The following MECOM variants were observed in gnomAD, a reference collection of about 807,000 sequenced individuals.
MECOM encodes the protein histone-lysine N-methyltransferase MECOM.
Under a neutral mutation model 116.3 loss-of-function variants are expected in MECOM, and 13 were observed. That is an observed-to-expected ratio of 0.11 (90% CI 0.07 to 0.18). The LOEUF (loss-of-function observed/expected upper bound fraction) is 0.18. MECOM is among the 10% of genes least tolerant of loss of function. MECOM has a pLI of 1.00. For synonymous variants in MECOM, 528 were observed against 535.2 expected (o/e 0.99, Z 0.19); for missense variants, 1,299 against 1,509.0 (o/e 0.86, Z 2.31).
chr3:169,586,813 C>A (rs922544434), intron 1 of MECOM, among the ~76,000 whole-genome samples: 4 of 152,214 alleles, frequency 2.6e-5, no homozygotes, highest in African/African-American at 9.6e-5. Context: ...TTGGTCAGTT[C>A]TTAAAGCATA....
rs1335118608 is a variant in MECOM at position 169,146,240 on chromosome 3, G to A, written c.376-2408C>T. ...AAAATCCCCACAATCTAGCCAAAGG[G>A]TCCGAATGTGACTTTCTCGCGAAGC... On this transcript the variant is annotated intron_variant, in intron 2 of 16. Coordinates refer to ENST00000651503, the MANE Select transcript of MECOM (RefSeq NM_004991.4). 7 of 1,185,144 alleles carry A rather than the reference G, an allele frequency of 5.9e-6. No homozygotes were observed. The East Asian group carries it at 2.7e-4, about 46-fold the overall frequency. The allele number at this position is 1,185,144 out of a possible 1,614,324, so 73.4% of individuals were successfully genotyped here. A position where few individuals can be genotyped will look rare whatever the true frequency, so the allele number is the denominator to read the frequency against.
chr3:169,164,138 C>G (rs1197341168), intron 2 of MECOM, among the ~76,000 whole-genome samples: 1 of 152,122 alleles, frequency 6.6e-6, no homozygotes. Flanking sequence ...TAAATCTCAT[C>G]TTGTAGTTCC....
intron 2 of MECOM, among the ~76,000 whole-genome samples, chr3:169,306,613 A>T (rs759091661): frequency 1.3e-5 from 2 of 152,212 alleles, no homozygotes; most frequent in African/African-American, 2.4e-5. Context: ...CCTGAGAGAC[A>T]GAGGTTGCAG....
intron 2 of MECOM, chr3:169,149,591 G>T: frequency 2.4e-6 from 1 of 413,290 alleles, no homozygotes; most frequent in Non-Finnish European, 5.0e-6. Flanking sequence ...TCTGCCTTCC[G>T]CCTCGCCCGC....
intron 2 of MECOM, among the ~76,000 whole-genome samples, chr3:169,240,830 G>A (rs1265760795): frequency 2.0e-5 from 3 of 152,162 alleles, no homozygotes; most frequent in East Asian, 3.9e-4. Context: ...GAACAGATGA[G>A]CCCAAATCCC....
intron 1 of MECOM, among the ~76,000 whole-genome samples, chr3:169,396,832 G>A (rs956896320): frequency 3.9e-5 from 6 of 152,126 alleles, no homozygotes; most frequent in Non-Finnish European, 7.3e-5. Context: ...AACTAGCTGG[G>A]TGTGGTGGTG....
At chr3:169,105,160 CCTT>C (rs1046286285) in intron 10 of MECOM, among the ~76,000 whole-genome samples, 3 of 152,150 alleles carry the variant, frequency 2.0e-5, no homozygotes, top group African/African-American at 7.2e-5. Context: ...TTCGTTGAAT[CCTT>C]CTTTTCATCT....
chr3:169,599,143 A>C (rs1430288118), intron 1 of MECOM, among the ~76,000 whole-genome samples: 2 of 152,196 alleles, frequency 1.3e-5, no homozygotes, highest in Non-Finnish European at 2.9e-5. Flanking sequence ...TTACCAAACT[A>C]AAGTAAACTG....
intron 1 of MECOM, among the ~76,000 whole-genome samples, chr3:169,489,048 G>C (rs1330013814): frequency 6.6e-6 from 1 of 151,886 alleles, no homozygotes; most frequent in African/African-American, 2.4e-5. Flanking sequence ...AATTTAAAGG[G>C]GGAATACAGA....
intron 4 of MECOM, among the ~76,000 whole-genome samples, chr3:169,130,340 T>C (rs995020021): frequency 6.6e-6 from 1 of 152,108 alleles, no homozygotes; most frequent in Non-Finnish European, 1.5e-5. Flanking sequence ...CCCTTTCCCA[T>C]TGGGCCAGAC....
At chr3:169,423,629 G>C (rs1740141689) in intron 1 of MECOM, among the ~76,000 whole-genome samples, 1 of 152,104 alleles carries the variant, frequency 6.6e-6, no homozygotes, top group Non-Finnish European at 1.5e-5. Flanking sequence ...TGAAATTAGT[G>C]AGAATTTTTT....
chr3:169,267,328 C>T (rs144963499), intron 2 of MECOM, among the ~76,000 whole-genome samples: 40 of 152,280 alleles, frequency 2.6e-4, no homozygotes, highest in African/African-American at 9.1e-4. Flanking sequence ...GATTGAGACC[C>T]GGTGTCTAAT....
intron 15 of MECOM, 61 bp downstream of exon 15, chr3:169,089,939 G>T: frequency 1.3e-6 from 2 of 1,532,632 alleles, no homozygotes; most frequent in South Asian, 2.6e-5. Flanking sequence ...ATCACAGGAG[G>T]AATTGCAACC....
intron 1 of MECOM, among the ~76,000 whole-genome samples, chr3:169,640,577 G>A (rs1773340157): frequency 6.6e-6 from 1 of 152,200 alleles, no homozygotes; most frequent in South Asian, 2.1e-4. Context: ...GGTAACAGTA[G>A]CAGCTTTACA....
In MECOM at chr3:169,329,252, C is replaced by CA. The variant is rs563214544; in HGVS notation, c.375+51934dup. Among the ~76,000 whole-genome samples, 88 of 152,180 alleles carry CA rather than the reference C, an allele frequency of 5.8e-4. No homozygotes were observed. The East Asian group carries it at 0.015, about 27-fold the overall frequency. ...ATTACAATGCTACATTCTAATGATT[C>CA]AAAAAATAATTGAAGTCAGTCTATC... On this transcript the variant is annotated intron_variant, in intron 2 of 16. Transcript: ENST00000651503.
intron 1 of MECOM, among the ~76,000 whole-genome samples, chr3:169,405,552 G>A (rs17485171): frequency 0.042 from 6,434 of 152,160 alleles, 167 homozygotes; most frequent in East Asian, 0.062. Context: ...TTGGCTTCTT[G>A]GAATGTTCCA....
chr3:169,503,114 C>T (rs567789938), intron 1 of MECOM, among the ~76,000 whole-genome samples: 1 of 152,216 alleles, frequency 6.6e-6, no homozygotes, highest in South Asian at 2.1e-4. Flanking sequence ...TGTCAATATC[C>T]CATTTTAGAG....
chr3:169,119,589 T>C (rs1296883223), intron 7 of MECOM, among the ~76,000 whole-genome samples: 1 of 152,190 alleles, frequency 6.6e-6, no homozygotes, highest in Non-Finnish European at 1.5e-5. Flanking sequence ...AAATGAGTGA[T>C]CAGAATTCCT....
chr3:169,660,871 C>T (rs1174125977), intron 1 of MECOM, among the ~76,000 whole-genome samples: 1 of 152,184 alleles, frequency 6.6e-6, no homozygotes, highest in African/African-American at 2.4e-5. Flanking sequence ...GCGCTTCTGT[C>T]TGGGAAAGGC....
Sources: allele counts gnomAD v4.1 joint callset (sites outside exome capture counted in the v4.1 genomes callset), GRCh38; gene constraint gnomAD v4.1.1; transcripts MANE v1.5; gene names NCBI Gene and HGNC (gene_info 2026-07-23, HGNC 2026-07-21).